The following TRPC6 variants were observed in gnomAD, a reference collection of about 807,000 sequenced individuals.
TRPC6 encodes the protein transient receptor potential cation channel subfamily C member 6.
Under a neutral mutation model 90.7 loss-of-function variants are expected in TRPC6, and 55 were observed. The ratio of observed to expected loss-of-function variants is 0.61; its 90% CI spans 0.49 to 0.76. TRPC6 has a LOEUF of 0.76. TRPC6 is among the 30% of genes least tolerant of loss of function. The probability of loss-of-function intolerance (pLI) is 0.00; values close to 1 mark genes in which losing one functional copy is unlikely to be tolerated. For synonymous variants in TRPC6, 393 were observed against 393.0 expected (o/e 1.00, Z 0.00); for missense variants, 989 against 1,122.7 (o/e 0.88, Z 1.70).
At position 101,478,874 on chromosome 11, in the gene TRPC6, T is replaced by C. The variant is rs376626662; in HGVS notation, c.1511-2340A>G. 7.2e-5 allele frequency among the ~76,000 whole-genome samples: 11 copies of C among 152,292 alleles called. 1 individual carries two copies. In the East Asian group the frequency reaches 1.9e-3, roughly 27 times the overall value. ...GCTCCCTCTGCCTTCAAATTTCTTT[T>C]TACAAAAAACAACCAAAAAACCCAC... On this transcript the variant is annotated intron_variant, in intron 5 of 12. Coordinates refer to ENST00000344327, the MANE Select transcript of TRPC6 (RefSeq NM_004621.6).
intron 10 of TRPC6, among the ~76,000 whole-genome samples, chr11:101,465,495 C>CT (rs1031540590): frequency 2.0e-5 from 3 of 151,924 alleles, no homozygotes; most frequent in South Asian, 2.1e-4. Context: ...CCTTTTCATT[C>CT]TTTTTTTTCT....
At chr11:101,558,417 AC>A in intron 1 of TRPC6, among the ~76,000 whole-genome samples, 1 of 131,406 alleles carries the variant, frequency 7.6e-6, no homozygotes, top group Non-Finnish European at 1.6e-5. Context: ...ACATATACAC[AC>A]ACACATATCT....
chr11:101,551,018 A>G (rs987630216), intron 1 of TRPC6, among the ~76,000 whole-genome samples: 1 of 151,806 alleles, frequency 6.6e-6, no homozygotes, highest in African/African-American at 2.4e-5. Context: ...TCTTTTCATT[A>G]AGAGCAACTA....
intron 1 of TRPC6, among the ~76,000 whole-genome samples, chr11:101,582,598 G>C (rs1862221988): frequency 6.6e-6 from 1 of 151,204 alleles, no homozygotes; most frequent in African/African-American, 2.4e-5. Context: ...ATAAACAAAA[G>C]CTTGCAGTTA....
intron 1 of TRPC6, among the ~76,000 whole-genome samples, chr11:101,571,190 A>G (rs1018867972): frequency 6.6e-6 from 1 of 152,218 alleles, no homozygotes. Context: ...TACAAAGTCA[A>G]TGTGCAAAAA....
chr11:101,488,973 GA>G lies in TRPC6; in HGVS notation c.1256del (p.Phe419SerfsTer17). ...GAGCAAACCAGTAAATGAGAGCCAG[GA>G]AGGGCAGTCCAATGGCAACAGCAAG... Reference protein sequence around the residue: ...VVLAVAIGLPFLALIYWFAPC... With the variant: ...VVLAVAIGLPXLALIYWFAPC... On this transcript the variant is annotated frameshift_variant, in exon 4 of 13. Coordinates refer to ENST00000344327, the MANE Select transcript of TRPC6 (RefSeq NM_004621.6). LOFTEE classifies it high-confidence loss of function. The G allele has an allele frequency of 6.2e-7, 1 of 1,614,172 alleles. No individual in the cohort carries two copies. The highest frequency in any genetic ancestry group is 8.5e-7 in the Non-Finnish European group (1 of 1,180,022).
chr11:101,493,588 G>T (rs1390139016), intron 2 of TRPC6, among the ~76,000 whole-genome samples: 1 of 152,068 alleles, frequency 6.6e-6, no homozygotes, highest in Non-Finnish European at 1.5e-5. Flanking sequence ...TTTCTACTTT[G>T]ATTTTTGAAA....
chr11:101,572,760 C>T (rs557664260), intron 1 of TRPC6, among the ~76,000 whole-genome samples: 3 of 152,042 alleles, frequency 2.0e-5, no homozygotes, highest in South Asian at 4.2e-4. Flanking sequence ...ACACAAGAAC[C>T]GAAAACCAAA....
intron 1 of TRPC6, among the ~76,000 whole-genome samples, chr11:101,509,933 T>C (rs1412541865): frequency 6.6e-6 from 1 of 152,128 alleles, no homozygotes; most frequent in African/African-American, 2.4e-5. Flanking sequence ...TACATTTTTG[T>C]TTGTTTTTGA....
chr11:101,456,345 A>G (rs746335323), intron 10 of TRPC6, among the ~76,000 whole-genome samples: 4 of 152,206 alleles, frequency 2.6e-5, no homozygotes, highest in Admixed American at 1.3e-4. Context: ...TGTGAAATGC[A>G]TAAAAACTTC....
intron 1 of TRPC6, among the ~76,000 whole-genome samples, chr11:101,514,631 C>G (rs1017763631): frequency 5.9e-5 from 9 of 152,146 alleles, no homozygotes; most frequent in African/African-American, 2.2e-4. Flanking sequence ...AGCTAAACAT[C>G]CATTGATATT....
chr11:101,557,595 A>G (rs546250756), intron 1 of TRPC6, among the ~76,000 whole-genome samples: 2 of 148,966 alleles, frequency 1.3e-5, no homozygotes, highest in African/African-American at 2.5e-5. Context: ...ATATAATTTT[A>G]CATACAGAAA....
intron 1 of TRPC6, among the ~76,000 whole-genome samples, chr11:101,533,177 A>G (rs1481313549): frequency 6.6e-6 from 1 of 152,210 alleles, no homozygotes; most frequent in Non-Finnish European, 1.5e-5. Flanking sequence ...TTGCATTGCT[A>G]TAAAGACATA....
chr11:101,527,199 C>T (rs1204293032), intron 1 of TRPC6, among the ~76,000 whole-genome samples: 1 of 152,098 alleles, frequency 6.6e-6, no homozygotes, highest in African/African-American at 2.4e-5. Context: ...GAAATGTATA[C>T]ACCCTGTTAA....
chr11:101,487,538 C>T (rs866433280), intron 4 of TRPC6, among the ~76,000 whole-genome samples: 5 of 152,016 alleles, frequency 3.3e-5, no homozygotes, highest in Non-Finnish European at 7.4e-5. Flanking sequence ...CTTCTGAGCC[C>T]CCACTTTTCT....
chr11:101,568,756 C>A (rs1404840994), intron 1 of TRPC6, among the ~76,000 whole-genome samples: 1 of 152,110 alleles, frequency 6.6e-6, no homozygotes, highest in African/African-American at 2.4e-5. Flanking sequence ...TCATATCCAG[C>A]CAAACTAAGC....
rs540718600 is a variant in TRPC6, at chr11:101,476,592, T to G, written c.1511-58A>C. 4.1e-6 allele frequency: 6 copies of G among 1,473,486 alleles called. No individual in the cohort carries two copies. In the Admixed American group the frequency reaches 5.0e-5, roughly 12 times the overall value. The allele number at this position is 1,473,486 out of a possible 1,614,324, so 91.3% of individuals were successfully genotyped here. A position where few individuals can be genotyped will look rare whatever the true frequency, so the allele number is the denominator to read the frequency against. On this transcript the variant is annotated intron_variant, in intron 5 of 12. Coordinates refer to ENST00000344327, the MANE Select transcript of TRPC6 (RefSeq NM_004621.6). ...ATCGCATTCAGCCTTAGCTGTTCTA[T>G]AAAACAAAATATGTTTGAAAGGTCT... is the stretch of plus-strand genomic sequence containing the variant.
intron 1 of TRPC6, among the ~76,000 whole-genome samples, chr11:101,571,546 G>C (rs1470902358): frequency 6.6e-6 from 1 of 152,072 alleles, no homozygotes; most frequent in Non-Finnish European, 1.5e-5. Context: ...AACCAAAAAA[G>C]AGCCCACATA....
intron 2 of TRPC6, among the ~76,000 whole-genome samples, chr11:101,500,201 A>AT (rs201999926): frequency 2.0e-4 from 25 of 122,586 alleles, no homozygotes; most frequent in African/African-American, 4.6e-4. Flanking sequence ...CAAAATGTGT[A>AT]TTTTTTTTCT....
Sources: gnomAD v4.1 joint callset for allele counts (sites outside exome capture counted in the v4.1 genomes callset) on GRCh38, gnomAD v4.1.1 for gene constraint, MANE v1.5 for transcripts, NCBI Gene and HGNC (gene_info 2026-07-23, HGNC 2026-07-21) for gene names.